Variants in GPR108 observed in about 807,000 individuals in gnomAD.
The protein encoded by GPR108 is protein GPR108.
Under a neutral mutation model 74.3 loss-of-function variants are expected in GPR108, and 60 were observed. The ratio of observed to expected loss-of-function variants is 0.81; its 90% CI spans 0.66 to 1.00. The LOEUF (loss-of-function observed/expected upper bound fraction) is 1.00. GPR108 is among the 50% of genes least tolerant of loss of function. The pLI, the probability that GPR108 is intolerant of heterozygous loss-of-function variation, is 0.00. For synonymous variants in GPR108, 311 were observed against 292.4 expected, an observed-to-expected ratio of 1.06 and a Z score of -0.65; for missense variants, 667 against 703.3, an observed-to-expected ratio of 0.95 and a Z score of 0.58.
chr19:6,731,564 G>A, intron 14 of GPR108, 42 bp from the exon 15 acceptor site: 1 of 989,698 alleles, frequency 1.0e-6, no homozygotes, highest in Non-Finnish European at 1.5e-6. Context: ...GAGACTGAGG[G>A]TGGGAGGGAG....
Position 6,735,402 on chromosome 19 carries a change from A to G in GPR108, c.374+220T>C. 7.4e-6 allele frequency: 4 copies of G among 538,486 alleles called. No homozygotes were observed. The South Asian group carries it at 9.4e-5, about 13-fold the overall frequency. The allele number at this position is 538,486 out of a possible 1,614,324, so 33.4% of individuals were successfully genotyped here. A position where few individuals can be genotyped will look rare whatever the true frequency, so the allele number is the denominator to read the frequency against. ...GCGAACAATTGTTATTCATTCTCAC[A>G]ACAACCCTCTGTATCCGGGTCTTCT... On this transcript the variant is annotated intron_variant, in intron 4 of 17. Coordinates refer to ENST00000264080, the MANE Select transcript of GPR108 (RefSeq NM_001080452.2).
intron 1 of GPR108, 66 bp downstream of exon 1, chr19:6,737,391 A>C: frequency 1.3e-6 from 2 of 1,541,454 alleles, no homozygotes; most frequent in Non-Finnish European, 8.7e-7. Flanking sequence ...GACCACTCCA[A>C]GCCAGGGGGC....
intron 3 of GPR108, 25 bp downstream of exon 3, chr19:6,735,883 C>G: frequency 6.2e-7 from 1 of 1,608,154 alleles, no homozygotes; most frequent in Non-Finnish European, 8.5e-7. Context: ...CCCCTTCTCC[C>G]GTCTTCCCCA....
intron 8 of GPR108, 97 bp from the exon 9 acceptor site, chr19:6,733,398 C>A: frequency 7.3e-7 from 1 of 1,377,668 alleles, no homozygotes; most frequent in Admixed American, 2.0e-5. Context: ...TCACTTTCTA[C>A]TGGGCCACTC....
At chr19:6,730,533 C>T in intron 17 of GPR108, 149 bp from the exon 18 acceptor site, 1 of 665,654 alleles carries the variant, frequency 1.5e-6, no homozygotes, top group Non-Finnish European at 2.7e-6. Flanking sequence ...CAGGCTGCAC[C>T]CACCTCGCTC....
At chr19:6,736,085 GCT>G (rs1968622933) in intron 2 of GPR108, 127 bp from the exon 3 acceptor site, 2 of 807,204 alleles carry the variant, frequency 2.5e-6, no homozygotes, top group African/African-American at 1.7e-5. Flanking sequence ...GATCCCACAC[GCT>G]CTTTTTCTTT....
At position 6,733,659 on chromosome 19, in the gene GPR108, C is replaced by CGGAA. The variant is rs1568239321; in HGVS notation, c.633_634insTTCC (p.Gly212PhefsTer153). ...TACTGGCCTTCTTCCGCCTGAGAGC[C>CGGAA]GATCACCACGTGGAACTGGGCGGGC... On this transcript the variant is annotated frameshift_variant, in exon 8 of 18. Transcript: ENST00000264080. LOFTEE classifies it high-confidence loss of function. 6.2e-7 allele frequency: 1 copy of CGGAA among 1,614,060 alleles called. No individual in the cohort carries two copies. The highest frequency in any genetic ancestry group is 1.1e-5 in the South Asian group (1 of 91,074).
chr19:6,734,434 G>A (rs920977157), intron 4 of GPR108, 127 bp from the exon 5 acceptor site: 15 of 875,924 alleles, frequency 1.7e-5, no homozygotes, highest in Non-Finnish European at 2.6e-5. Flanking sequence ...AGTCGAGTCA[G>A]TTATCACTGA....
In GPR108 at chr19:6,735,685, C is replaced by T; in HGVS notation, c.311G>A (p.Cys104Tyr). The change falls in exon 4 of 18, where the codon TGC (cysteine) becomes TAC (tyrosine). Residue 104 changes from cysteine (C) to tyrosine (Y), a missense_variant. Coordinates refer to ENST00000264080, the MANE Select transcript of GPR108 (RefSeq NM_001080452.2). ...ACTGCTACTGTTTTTCTGGAGAGGGCAGTCCTGGAAATCCCGGGTCTGGGG... is the reference window on the plus strand; with the variant it reads ...ACTGCTACTGTTTTTCTGGAGAGGGTAGTCCTGGAAATCCCGGGTCTGGGG... ...RSYSTRDFQD[C>Y]PLQKNSSSFL... 6.2e-7 allele frequency: 1 copy of T among 1,614,072 alleles called. No individual in the cohort carries two copies. Among genetic ancestry groups the T allele is most frequent in the Non-Finnish European group, 8.5e-7 (1 of 1,179,996 alleles).
intron 4 of GPR108, 109 bp from the exon 5 acceptor site, chr19:6,734,416 C>A: frequency 9.3e-7 from 1 of 1,072,080 alleles, no homozygotes; most frequent in Admixed American, 2.4e-5. Context: ...CCCTGAGGGG[C>A]GGGGTCCAGT....
At chr19:6,731,546 G>A (rs1481015788) in intron 14 of GPR108, 24 bp from the exon 15 acceptor site, 7 of 1,328,432 alleles carry the variant, frequency 5.3e-6, no homozygotes, top group East Asian at 2.5e-5. Context: ...CAGAGAGGGC[G>A]GTCAGGGGAG....
intron 7 of GPR108, 35 bp from the exon 8 acceptor site, chr19:6,733,709 G>A: frequency 6.3e-7 from 1 of 1,599,238 alleles, no homozygotes; most frequent in East Asian, 2.2e-5. Flanking sequence ...GCTCAGCCTG[G>A]GGGACCCGTG....
At chr19:6,735,600 G>A (rs373814770) in intron 4 of GPR108, 22 bp downstream of exon 4, 17 of 1,603,822 alleles carry the variant, frequency 1.1e-5, no homozygotes, top group Admixed American at 1.7e-5. Flanking sequence ...GGATCTGAGC[G>A]AGCCCCCGGT....
At chr19:6,734,738 C>G (rs1218148616) in intron 4 of GPR108, among the ~76,000 whole-genome samples, 1 of 151,984 alleles carries the variant, frequency 6.6e-6, no homozygotes, top group Non-Finnish European at 1.5e-5. Flanking sequence ...CAGGGGTCTC[C>G]CTACGTTGCC....
chr19:6,732,470 A>G lies in GPR108; in HGVS notation c.1007+6T>C, dbSNP rs182370081. 1.2e-6 allele frequency: 2 copies of G among 1,613,576 alleles called. No individual in the cohort carries two copies. Among genetic ancestry groups the G allele is most frequent in the East Asian group, 4.5e-5 (2 of 44,854 alleles). On this transcript the variant is annotated splice_donor_region_variant and intron_variant, in intron 11 of 17. Coordinates refer to ENST00000264080, the MANE Select transcript of GPR108 (RefSeq NM_001080452.2). ...CCAGCTGCCCAGCAGAGTGGGGGAC[A>G]CTCACAGGTGTGCGATGTAGTACAT...
intron 4 of GPR108, 121 bp from the exon 5 acceptor site, chr19:6,734,428 G>C (rs139678518): frequency 1.1e-6 from 1 of 928,872 alleles, no homozygotes; most frequent in Non-Finnish European, 1.6e-6. Flanking sequence ...GGGTCCAGTC[G>C]AGTCAGTTAT....
In GPR108 at chr19:6,733,224, C is replaced by A. The variant is rs764611398; in HGVS notation, c.801G>T (p.Met267Ile). Reference sequence around the variant, plus strand: ...TGCCAGCGGCCAGGAAGCAGGCGGACATGACCATGTAGAGCTTGAAAAGGG... The same window carrying A: ...TGCCAGCGGCCAGGAAGCAGGCGGAAATGACCATGTAGAGCTTGAAAAGGG... ...EMPLFKLYMV[M>I]SACFLAAGIF... Residue 267 changes from methionine to isoleucine, a missense_variant, in exon 9 of 18, where the codon ATG becomes ATT. Met to Ile is a conservative substitution (Grantham distance 10, BLOSUM62 1). Coordinates refer to ENST00000264080, the MANE Select transcript of GPR108 (RefSeq NM_001080452.2). 9.3e-6 allele frequency: 15 copies of A among 1,613,914 alleles called. No homozygotes were observed. The highest frequency in any genetic ancestry group is 1.2e-5 in the Non-Finnish European group (14 of 1,180,034).
Position 6,731,515 on chromosome 19 carries a change from C to T in GPR108, c.1308G>A (p.Val436=). 1 of 1,488,532 alleles carries T rather than the reference C, an allele frequency of 6.7e-7. No homozygotes were observed. Among genetic ancestry groups the T allele is most frequent in the Non-Finnish European group, 9.0e-7 (1 of 1,115,422 alleles). The allele number at this position is 1,488,532 out of a possible 1,614,324, so 92.2% of individuals were successfully genotyped here. ...GGAACAGCTTCAGCTTGGCCAGGTT[C>T]ACTGCCACTGAGGGTGGGCACAGAG... ...DASGTDGKVA[V]NLAKLKLFRH... is the part of the protein sequence containing the mutation. Residue 436 remains valine (V), a synonymous_variant, in exon 15 of 18, where the codon GTG becomes GTA. Transcript: ENST00000264080.
rs780846591 is a variant in GPR108, at chr19:6,733,602, C to A, written c.691G>T (p.Val231Leu). The A allele has an allele frequency of 5.6e-6, 9 of 1,614,078 alleles. No homozygotes were observed. Among genetic ancestry groups the A allele is most frequent in the African/African-American group, 1.3e-5 (1 of 74,940 alleles). ...TCGAATGGATGCTCCTTTCCTGGCA[C>A]TGAATTGTTGCAGTTGTGGAAGTTC... ...SLNFHNCNNS[V>L]PGKEHPFDIT... Residue 231 changes from valine (V) to leucine (L), a missense_variant, in exon 8 of 18, where the codon GTG becomes TTG. Physicochemically the swap from Val to Leu is conservative, Grantham distance 32 (BLOSUM62 1). Coordinates refer to ENST00000264080, the MANE Select transcript of GPR108 (RefSeq NM_001080452.2).
Sources: gnomAD v4.1 joint callset for allele counts (sites outside exome capture counted in the v4.1 genomes callset) on GRCh38, gnomAD v4.1.1 for gene constraint, MANE v1.5 for transcripts, NCBI Gene and HGNC (gene_info 2026-07-23, HGNC 2026-07-21) for gene names.